Variants in PCDH15 observed in about 807,000 individuals in gnomAD.
PCDH15 encodes protocadherin-15.
In PCDH15, 129 loss-of-function variants were observed where a neutral mutation model predicts 178.5. That is an observed-to-expected ratio of 0.72 (90% confidence interval 0.63 to 0.84). PCDH15 has a LOEUF of 0.84. PCDH15 is among the 40% of genes least tolerant of loss of function. PCDH15 has a pLI of 0.00. For synonymous variants in PCDH15, 800 were observed against 732.0 expected (o/e 1.09, Z -1.50); for missense variants, 2,230 against 2,099.9 (o/e 1.06, Z -1.21).
intron 18 of PCDH15, among the ~76,000 whole-genome samples, chr10:54,030,974 A>G (rs750673667): frequency 6.6e-6 from 1 of 152,042 alleles, no homozygotes; most frequent in South Asian, 2.1e-4. Flanking sequence ...CTTCATTGGA[A>G]TATGAAGCTC....
rs71984217 is a variant in PCDH15, at chr10:54,309,320, TACACACACACACACAC to T, written c.876+7935_876+7950del. On this transcript the variant is annotated intron_variant, in intron 8 of 37. Transcript: ENST00000644397. ...ACACACAAACATATATATACGTACA[TACACACACACACACAC>T]ACACACACACACACACACACTTCAC... Among the ~76,000 whole-genome samples, 170 of 146,288 alleles carry T rather than the reference TACACACACACACACAC, an allele frequency of 1.2e-3. No homozygotes were observed. The East Asian group carries it at 0.021, about 18-fold the overall frequency.
At chr10:53,980,293 G>A (rs573865378) in intron 21 of PCDH15, among the ~76,000 whole-genome samples, 1 of 151,938 alleles carries the variant, frequency 6.6e-6, no homozygotes, top group African/African-American at 2.4e-5. Flanking sequence ...TATATCAGTA[G>A]GAAGTTACAT....
Position 55,373,696 on chromosome 10 carries a change from G to A in PCDH15, c.-155-207045C>T, listed in dbSNP as rs188252023. Among the ~76,000 whole-genome samples, 567 of 152,160 alleles carry A rather than the reference G, an allele frequency of 3.7e-3. 4 individuals carry two copies. Among genetic ancestry groups the A allele is most frequent in the African/African-American group, 0.011 (471 of 41,536 alleles). ...GTTAGGAAAGGTAGACTTGTACATGGAGGCTTCAGACCCCCACCCAACTAC... is the reference window on the plus strand; with the variant it reads ...GTTAGGAAAGGTAGACTTGTACATGAAGGCTTCAGACCCCCACCCAACTAC... On this transcript the variant is annotated intron_variant, in intron 2 of 5. Coordinates refer to the PCDH15 transcript ENST00000613346.
intron 15 of PCDH15, among the ~76,000 whole-genome samples, chr10:54,098,198 GT>G (rs2094737301): frequency 9.0e-6 from 1 of 110,608 alleles, no homozygotes; most frequent in Non-Finnish European, 1.7e-5. Flanking sequence ...AGTTGTGTGT[GT>G]GTGTGTGTGT....
chr10:53,912,779 GC>G (rs1270964612), intron 25 of PCDH15, among the ~76,000 whole-genome samples: 2 of 152,036 alleles, frequency 1.3e-5, no homozygotes, highest in African/African-American at 4.8e-5. Flanking sequence ...CCACTGCTCA[GC>G]AAAATAAAAG....
intron 10 of PCDH15, among the ~76,000 whole-genome samples, chr10:54,201,142 G>A (rs2050193262): frequency 6.6e-6 from 1 of 152,106 alleles, no homozygotes; most frequent in Non-Finnish European, 1.5e-5. Context: ...TGCTTCAGTG[G>A]ATAGATATGG....
At chr10:55,092,712 A>T (rs1235000389) in intron 2 of PCDH15, among the ~76,000 whole-genome samples, 1 of 151,922 alleles carries the variant, frequency 6.6e-6, no homozygotes, top group East Asian at 1.9e-4. Context: ...TTTAGAAAAC[A>T]TGCTTATTGC....
chr10:54,108,998 A>G (rs1047589885), intron 15 of PCDH15, among the ~76,000 whole-genome samples: 4 of 152,160 alleles, frequency 2.6e-5, no homozygotes, highest in African/African-American at 4.8e-5. Context: ...TGGTCCCTGA[A>G]TAACCAGCAG....
intron 1 of PCDH15, among the ~76,000 whole-genome samples, chr10:54,715,155 G>C (rs2095465302): frequency 6.6e-6 from 1 of 152,076 alleles, no homozygotes; most frequent in African/African-American, 2.4e-5. Context: ...CAAGTGCAAT[G>C]CTCGGTTTAG....
In PCDH15 at chr10:53,803,345, A is replaced by T. The variant is rs758715106; in HGVS notation, c.*3234T>A. 2 of 151,986 alleles carry T rather than the reference A, an allele frequency of 1.3e-5. No individual in the cohort carries two copies. The highest frequency in any genetic ancestry group is 2.9e-5 in the Non-Finnish European group (2 of 67,874). The allele number at this position is 151,986 out of a possible 1,614,324, so 9.4% of individuals were successfully genotyped here. A position where few individuals can be genotyped will look rare whatever the true frequency, so the allele number is the denominator to read the frequency against. On this transcript the variant is annotated 3_prime_UTR_variant, in exon 38 of 38. Transcript: ENST00000644397. ...AGAGAAAAATCAAAGCTCATGAAAT[A>T]AAAGACAGAAAATGTCTTCCCTCGA... is the stretch of plus-strand genomic sequence containing the variant.
chr10:55,256,511 G>A (rs1420427167), intron 1 of PCDH15, among the ~76,000 whole-genome samples: 3 of 152,172 alleles, frequency 2.0e-5, no homozygotes, highest in Non-Finnish European at 1.5e-5. Context: ...CTGGAAAATC[G>A]GGTCACTCCC....
At chr10:54,721,250 A>G (rs577735714) in intron 1 of PCDH15, among the ~76,000 whole-genome samples, 1 of 152,084 alleles carries the variant, frequency 6.6e-6, no homozygotes, top group African/African-American at 2.4e-5. Context: ...ACTAAAGGCA[A>G]AGTTTATAGT....
chr10:54,088,228 T>G (rs1444117420), intron 16 of PCDH15, among the ~76,000 whole-genome samples: 1 of 152,178 alleles, frequency 6.6e-6, no homozygotes, highest in Non-Finnish European at 1.5e-5. Flanking sequence ...TTGCCTTTCT[T>G]TATCACTACA....
At chr10:54,089,855 A>T (rs1224795189) in intron 16 of PCDH15, 129 bp downstream of exon 16, 1 of 716,736 alleles carries the variant, frequency 1.4e-6, no homozygotes, top group African/African-American at 1.8e-5. Context: ...AGCTACCATT[A>T]GCATTCATAG....
At chr10:54,683,876 T>G (rs1233799960) in intron 1 of PCDH15, among the ~76,000 whole-genome samples, 1 of 152,078 alleles carries the variant, frequency 6.6e-6, no homozygotes, top group Admixed American at 6.6e-5. Flanking sequence ...GTTTTTCCTT[T>G]GCAAAATGTT....
intron 2 of PCDH15, among the ~76,000 whole-genome samples, chr10:55,603,447 T>A (rs1232698321): frequency 6.6e-6 from 1 of 151,710 alleles, no homozygotes; most frequent in Non-Finnish European, 1.5e-5. Flanking sequence ...AATTGTCAGA[T>A]TCACCAAAGT....
rs560486757 is a variant in PCDH15 at position 54,379,945 on chromosome 10, C to T, written c.158-1003G>A. On this transcript the variant is annotated intron_variant, in intron 3 of 37. Transcript: ENST00000644397. ...AGAATATACAGAGAATCCATAAATA[C>T]GAATCTGGCTTGAAAAATATAACGA... Among the ~76,000 whole-genome samples, 7 of 152,086 alleles carry T rather than the reference C, an allele frequency of 4.6e-5. No individual in the cohort carries two copies. The South Asian group carries it at 8.3e-4, about 18-fold the overall frequency.
At chr10:54,753,905 T>G (rs56077332) in intron 1 of PCDH15, among the ~76,000 whole-genome samples, 74,098 of 146,986 alleles carry the variant, frequency 0.5, 19,608 homozygotes, top group Middle Eastern at 0.68. Flanking sequence ...TTTTTTTTTT[T>G]TTTTTTGAGA....
At chr10:55,442,455 T>TTATATACA (rs1554869563) in intron 2 of PCDH15, among the ~76,000 whole-genome samples, 1 of 121,148 alleles carries the variant, frequency 8.3e-6, no homozygotes, top group African/African-American at 3.1e-5. Context: ...CTTAATTTGA[T>TTATATACA]TATATATATA....
Sources: allele counts gnomAD v4.1 joint callset (sites outside exome capture counted in the v4.1 genomes callset), GRCh38; gene constraint gnomAD v4.1.1; transcripts MANE v1.5; gene names NCBI Gene and HGNC (gene_info 2026-07-23, HGNC 2026-07-21).